HCN1: variants seen among roughly 807,000 people sequenced by gnomAD.
The protein encoded by HCN1 is potassium/sodium hyperpolarization-activated cyclic nucleotide-gated channel 1.
HCN1 carries 13 observed loss-of-function variants against 78.9 expected under a neutral mutation model. That is an observed-to-expected ratio of 0.16 (90% CI 0.11 to 0.26). HCN1 has a LOEUF of 0.26. HCN1 is among the 10% of genes least tolerant of loss of function. HCN1 has a pLI of 1.00. For synonymous variants in HCN1, 552 were observed against 455.5 expected (o/e 1.21, Z -2.70); for missense variants, 810 against 1,154.3 (o/e 0.70, Z 4.32).
intron 2 of HCN1, among the ~76,000 whole-genome samples, chr5:45,638,690 G>A (rs1745399229): frequency 6.6e-6 from 1 of 152,138 alleles, no homozygotes; most frequent in African/African-American, 2.4e-5. Flanking sequence ...ATCACCTGAG[G>A]TCAGGAGTTC....
chr5:45,321,842 C>T (rs984082258), intron 5 of HCN1, among the ~76,000 whole-genome samples: 5 of 151,794 alleles, frequency 3.3e-5, no homozygotes, highest in Admixed American at 6.6e-5. Flanking sequence ...GCAAAGATAA[C>T]TGCTTTAATG....
At chr5:45,592,947 T>C (rs1218243154) in intron 2 of HCN1, among the ~76,000 whole-genome samples, 2 of 152,210 alleles carry the variant, frequency 1.3e-5, no homozygotes, top group Non-Finnish European at 2.9e-5. Context: ...ATGAACCACG[T>C]TGTTTTCATT....
chr5:45,595,952 C>T (rs751298722), intron 2 of HCN1, among the ~76,000 whole-genome samples: 7 of 151,744 alleles, frequency 4.6e-5, no homozygotes, highest in East Asian at 1.9e-4. Flanking sequence ...TGCAGTGGCA[C>T]GATCTAGGCT....
At chr5:45,582,408 A>G (rs1744100618) in intron 2 of HCN1, among the ~76,000 whole-genome samples, 1 of 152,192 alleles carries the variant, frequency 6.6e-6, no homozygotes, top group Non-Finnish European at 1.5e-5. Flanking sequence ...TATCACCTTA[A>G]GGAGATTTTG....
chr5:45,454,894 T>C (rs1740992878), intron 3 of HCN1, among the ~76,000 whole-genome samples: 1 of 152,076 alleles, frequency 6.6e-6, no homozygotes, highest in Non-Finnish European at 1.5e-5. Context: ...AAAATATCAA[T>C]AAATAGCTCT....
chr5:45,531,081 C>T (rs903237630), intron 2 of HCN1, among the ~76,000 whole-genome samples: 4 of 151,902 alleles, frequency 2.6e-5, no homozygotes, highest in African/African-American at 9.7e-5. Flanking sequence ...CACACACACA[C>T]ACAATCATCA....
intron 2 of HCN1, among the ~76,000 whole-genome samples, chr5:45,469,631 T>C (rs1263643647): frequency 6.6e-6 from 1 of 152,028 alleles, no homozygotes; most frequent in Non-Finnish European, 1.5e-5. Flanking sequence ...TTGATTTGAT[T>C]AAATATCACT....
intron 3 of HCN1, among the ~76,000 whole-genome samples, chr5:45,399,287 A>G (rs527317260): frequency 1.3e-5 from 2 of 152,330 alleles, no homozygotes; most frequent in Non-Finnish European, 2.9e-5. Context: ...TGCTAGGCCA[A>G]TTGCATGTCT....
At chr5:45,387,148 T>C (rs1747938982) in intron 4 of HCN1, among the ~76,000 whole-genome samples, 1 of 151,912 alleles carries the variant, frequency 6.6e-6, no homozygotes, top group Admixed American at 6.6e-5. Flanking sequence ...TTTATAGTTG[T>C]CTCATATATA....
chr5:45,695,549 C>A, intron 1 of HCN1, 120 bp downstream of exon 1: 1 of 1,004,296 alleles, frequency 1.0e-6, no homozygotes. Flanking sequence ...GCCGACGCCG[C>A]CGGCAGCGCC....
intron 5 of HCN1, among the ~76,000 whole-genome samples, chr5:45,343,397 G>A (rs1295032471): frequency 2.0e-5 from 3 of 152,192 alleles, no homozygotes; most frequent in Non-Finnish European, 2.9e-5. Flanking sequence ...GGCAAACTAA[G>A]GGAACAGTGA....
Position 45,686,121 on chromosome 5 carries a change from A to AT in HCN1, c.425+9547dup, listed in dbSNP as rs1190095038. Reference sequence around the variant, plus strand: ...TACCCCATGAATTTTACATATATATATATTTTTTTCTATTATAATTGAGAA... The same window carrying AT: ...TACCCCATGAATTTTACATATATATATTATTTTTTTCTATTATAATTGAGAA... On this transcript the variant is annotated intron_variant, in intron 1 of 7. Coordinates refer to ENST00000303230, the MANE Select transcript of HCN1 (RefSeq NM_021072.4). 8.8e-4 allele frequency among the ~76,000 whole-genome samples: 131 copies of AT among 148,564 alleles called. 1 individual carries two copies. Among genetic ancestry groups the AT allele is most frequent in the African/African-American group, 2.2e-3 (85 of 39,526 alleles).
intron 5 of HCN1, among the ~76,000 whole-genome samples, chr5:45,337,227 T>C (rs1468285675): frequency 2.6e-5 from 4 of 151,700 alleles, no homozygotes; most frequent in Non-Finnish European, 5.9e-5. Flanking sequence ...AGTTATAAAG[T>C]ATTTTTCTTC....
chr5:45,284,993 G>T (rs1448229973), intron 6 of HCN1, among the ~76,000 whole-genome samples: 1 of 152,016 alleles, frequency 6.6e-6, no homozygotes, highest in Non-Finnish European at 1.5e-5. Context: ...ATAATGGTGG[G>T]GGAAATGCTA....
intron 2 of HCN1, among the ~76,000 whole-genome samples, chr5:45,493,905 C>T (rs566889359): frequency 2.1e-4 from 32 of 152,046 alleles, no homozygotes; most frequent in African/African-American, 7.0e-4. Context: ...CCAATTTCAT[C>T]CATGTCCCTA....
At chr5:45,625,495 A>G (rs1016424323) in intron 2 of HCN1, among the ~76,000 whole-genome samples, 6 of 152,072 alleles carry the variant, frequency 3.9e-5, no homozygotes, top group African/African-American at 1.4e-4. Context: ...GTACCTTCAC[A>G]TATTATAGAT....
intron 4 of HCN1, among the ~76,000 whole-genome samples, chr5:45,359,918 A>G (rs1342949969): frequency 6.6e-6 from 1 of 151,272 alleles, no homozygotes; most frequent in African/African-American, 2.4e-5. Flanking sequence ...AATCTACACT[A>G]TATTCTTGAC....
intron 4 of HCN1, among the ~76,000 whole-genome samples, chr5:45,376,960 G>T (rs1024282984): frequency 6.6e-6 from 1 of 151,966 alleles, no homozygotes; most frequent in Admixed American, 6.6e-5. Flanking sequence ...CCAGGTGTTT[G>T]TCATGTGAGA....
intron 2 of HCN1, among the ~76,000 whole-genome samples, chr5:45,528,983 T>C (rs1742790333): frequency 6.6e-6 from 1 of 152,000 alleles, no homozygotes; most frequent in African/African-American, 2.4e-5. Context: ...GCAAGAAATA[T>C]CCTACTCTTA....
Sources: gnomAD v4.1 joint callset for allele counts (sites outside exome capture counted in the v4.1 genomes callset) on GRCh38, gnomAD v4.1.1 for gene constraint, MANE v1.5 for transcripts, NCBI Gene and HGNC (gene_info 2026-07-23, HGNC 2026-07-21) for gene names.